Variants in CHSY3 observed in about 807,000 individuals in gnomAD.
The protein encoded by CHSY3 is N-acetylgalactosaminyl-proteoglycan 3-beta-glucuronosyltransferase 3.
In CHSY3, 35 loss-of-function variants were observed where a neutral mutation model predicts 67.2. That is an observed-to-expected ratio of 0.52 (90% confidence interval 0.40 to 0.69). The LOEUF is 0.69. Among genes scored for constraint, CHSY3 ranks in the 30% least tolerant of loss-of-function variants. The pLI is 0.00. For synonymous variants in CHSY3, 474 were observed against 434.7 expected, an observed-to-expected ratio of 1.09 and a Z score of -1.12; for missense variants, 1,069 against 1,138.5, an observed-to-expected ratio of 0.94 and a Z score of 0.88.
intron 2 of CHSY3, among the ~76,000 whole-genome samples, chr5:130,056,151 T>C (rs1209972411): frequency 6.6e-6 from 1 of 152,128 alleles, no homozygotes; most frequent in African/African-American, 2.4e-5. Context: ...CTTCTCCAGG[T>C]TGGATGCAGT....
chr5:130,046,236 T>A (rs117634630), intron 2 of CHSY3, among the ~76,000 whole-genome samples: 1 of 152,150 alleles, frequency 6.6e-6, no homozygotes, highest in African/African-American at 2.4e-5. Context: ...GGAAGCCATG[T>A]AGCATACAAA....
At chr5:129,908,621 TC>T (rs1760414422) in intron 2 of CHSY3, among the ~76,000 whole-genome samples, 1 of 152,150 alleles carries the variant, frequency 6.6e-6, no homozygotes, top group African/African-American at 2.4e-5. Flanking sequence ...GCTTATATCC[TC>T]CCCTGCTTGA....
rs560464061 is a variant in CHSY3 at position 129,916,839 on chromosome 5, A to T, written c.1086+8479A>T. On this transcript the variant is annotated intron_variant, in intron 2 of 2. Coordinates refer to ENST00000305031, the MANE Select transcript of CHSY3 (RefSeq NM_175856.5). ...CTACTGATCTCTTGGTTTCAAATCT[A>T]ATATAGAGTTGGGTTTCTCATCTCT... Among the ~76,000 whole-genome samples the T allele has an allele frequency of 3.4e-4, 51 of 152,238 alleles. No homozygotes were observed. In the South Asian group the frequency reaches 8.1e-3, roughly 24 times the overall value.
chr5:130,053,382 G>A (rs1051164776), intron 2 of CHSY3, among the ~76,000 whole-genome samples: 1 of 152,084 alleles, frequency 6.6e-6, no homozygotes, highest in African/African-American at 2.4e-5. Flanking sequence ...AGGGTGAAAT[G>A]TAAGAATTAG....
rs76844545 is a variant in CHSY3 at position 129,977,065 on chromosome 5, T to C, written c.1086+68705T>C. ...TGCTAGGTGTTTTACATTTTATACC[T>C]CGAATCTGAAAAATAACCTTATGGT... On this transcript the variant is annotated intron_variant, in intron 2 of 2. Coordinates refer to ENST00000305031, the MANE Select transcript of CHSY3 (RefSeq NM_175856.5). Among the ~76,000 whole-genome samples the C allele has an allele frequency of 8.4e-3, 1,281 of 152,216 alleles. 77 individuals carry two copies. The highest frequency in any genetic ancestry group is 0.07 in the Admixed American group (1,062 of 15,266).
Position 130,080,646 on chromosome 5 carries a change from T to C in CHSY3, c.1087-103583T>C, listed in dbSNP as rs538161744. 9.7e-4 allele frequency among the ~76,000 whole-genome samples: 148 copies of C among 152,168 alleles called. 1 individual carries two copies. Among genetic ancestry groups the C allele is most frequent in the South Asian group, 2.7e-3 (13 of 4,820 alleles). ...CTCTCTTTTAAAAAGACTATCTTCA[T>C]TGCTTCATTACTTAAATACCTAAAA... On this transcript the variant is annotated intron_variant, in intron 2 of 2. Coordinates refer to ENST00000305031, the MANE Select transcript of CHSY3 (RefSeq NM_175856.5).
At chr5:130,101,212 TG>T (rs146740696) in intron 2 of CHSY3, among the ~76,000 whole-genome samples, 270 of 152,358 alleles carry the variant, frequency 1.8e-3, no homozygotes, top group African/African-American at 6.2e-3. Context: ...TTTTTGTTTT[TG>T]TTGTTTTTGT....
At chr5:129,925,231 C>T (rs58959617) in intron 2 of CHSY3, among the ~76,000 whole-genome samples, 2,167 of 152,132 alleles carry the variant, frequency 0.014, 55 homozygotes, top group African/African-American at 0.049. Context: ...TAGACTAAGG[C>T]CTTACTGAGA....
intron 2 of CHSY3, among the ~76,000 whole-genome samples, chr5:130,170,263 A>G (rs1769863167): frequency 6.6e-6 from 1 of 151,954 alleles, no homozygotes; most frequent in African/African-American, 2.4e-5. Context: ...GAGTTAGTTC[A>G]CTTAGGATAA....
At chr5:130,150,590 T>A (rs148468011) in intron 2 of CHSY3, among the ~76,000 whole-genome samples, 1 of 152,144 alleles carries the variant, frequency 6.6e-6, no homozygotes, top group African/African-American at 2.4e-5. Context: ...GATAAAAATT[T>A]TATGATTATA....
chr5:129,929,932 A>T (rs1429771981), intron 2 of CHSY3, among the ~76,000 whole-genome samples: 1 of 152,212 alleles, frequency 6.6e-6, no homozygotes, highest in Admixed American at 6.5e-5. Flanking sequence ...GAAAGGTACA[A>T]CTATTTCTCG....
In CHSY3 at chr5:130,015,576, G is replaced by T. The variant is rs150864484; in HGVS notation, c.1086+107216G>T. ...GAGTCAGAATGCCTATTATTAAAAA[G>T]CCAAAAATTAAGGGATGCTGGTGAG... On this transcript the variant is annotated intron_variant, in intron 2 of 2. Transcript: ENST00000305031. 2.2e-4 allele frequency among the ~76,000 whole-genome samples: 34 copies of T among 152,254 alleles called. 1 individual carries two copies. The East Asian group carries it at 6.2e-3, about 28-fold the overall frequency.
intron 2 of CHSY3, among the ~76,000 whole-genome samples, chr5:130,037,489 T>TA (rs896347748): frequency 6.6e-6 from 1 of 152,088 alleles, no homozygotes; most frequent in African/African-American, 2.4e-5. Flanking sequence ...ATAAGTATTT[T>TA]AAAAAGCTTT....
intron 2 of CHSY3, among the ~76,000 whole-genome samples, chr5:130,050,556 A>G (rs1765310307): frequency 6.6e-6 from 1 of 152,102 alleles, no homozygotes; most frequent in African/African-American, 2.4e-5. Context: ...TATAGAATTT[A>G]CTCTCTATGG....
At position 129,904,868 on chromosome 5, in the gene CHSY3, A is replaced by C; in HGVS notation, c.39A>C (p.Ala13=). The C allele has an allele frequency of 6.7e-7, 1 of 1,496,272 alleles. No homozygotes were observed. The highest frequency in any genetic ancestry group is 8.9e-7 in the Non-Finnish European group (1 of 1,120,902). The allele number at this position is 1,496,272 out of a possible 1,614,324, so 92.7% of individuals were successfully genotyped here. A position where few individuals can be genotyped will look rare whatever the true frequency, so the allele number is the denominator to read the frequency against. The change falls in exon 1 of 3, where the codon GCA becomes GCC. Residue 13 remains alanine (A), a synonymous_variant. Transcript: ENST00000305031. ...VRSRRPWMSV[A]LGLVLGFTAA... Reference sequence around the variant, plus strand: ...CTCGCCGCCCGTGGATGAGCGTGGCATTAGGGCTGGTGCTGGGCTTCACCG... The same window carrying C: ...CTCGCCGCCCGTGGATGAGCGTGGCCTTAGGGCTGGTGCTGGGCTTCACCG...
intron 2 of CHSY3, among the ~76,000 whole-genome samples, chr5:130,024,157 C>CTGTCTTGCT (rs1561502276): frequency 9.1e-6 from 1 of 109,850 alleles, no homozygotes; most frequent in African/African-American, 3.6e-5. Context: ...AAAAAAAAGC[C>CTGTCTTGCT]TGTCTTGCTT....
At chr5:130,100,922 C>T (rs1471130626) in intron 2 of CHSY3, among the ~76,000 whole-genome samples, 1 of 152,182 alleles carries the variant, frequency 6.6e-6, no homozygotes, top group Non-Finnish European at 1.5e-5. Context: ...TGAAAAAGCT[C>T]ACCTCAACTT....
At chr5:130,119,217 C>T (rs973965455) in intron 2 of CHSY3, among the ~76,000 whole-genome samples, 8 of 152,176 alleles carry the variant, frequency 5.3e-5, no homozygotes, top group African/African-American at 1.2e-4. Context: ...AGAACTCCAA[C>T]TCAGGACTGA....
At chr5:130,035,357 A>G (rs1764834006) in intron 2 of CHSY3, among the ~76,000 whole-genome samples, 1 of 152,180 alleles carries the variant, frequency 6.6e-6, no homozygotes, top group African/African-American at 2.4e-5. Flanking sequence ...CCTGCCTTCA[A>G]GATTTCTGGT....
Sources: gnomAD v4.1 joint callset for allele counts (sites outside exome capture counted in the v4.1 genomes callset) on GRCh38, gnomAD v4.1.1 for gene constraint, MANE v1.5 for transcripts, NCBI Gene and HGNC (gene_info 2026-07-23, HGNC 2026-07-21) for gene names.